The following TRIM50 variants were observed in gnomAD, a reference collection of about 807,000 sequenced individuals.
TRIM50 encodes the protein tripartite motif containing 50.
A neutral mutation model predicts 44.9 loss-of-function variants in TRIM50; 34 were observed. That is an observed-to-expected ratio of 0.76 (90% CI 0.58 to 1.01). The LOEUF (loss-of-function observed/expected upper bound fraction) is 1.01, where lower values mean the gene tolerates loss of function less well. Among genes scored for constraint, TRIM50 ranks in the 50% least tolerant of loss-of-function variants. TRIM50 has a pLI of 0.00. For missense variants in TRIM50, 633 were observed against 663.7 expected, an observed-to-expected ratio of 0.95 and a Z score of 0.51; for synonymous variants, 307 against 291.1, an observed-to-expected ratio of 1.05 and a Z score of -0.56.
chr7:73,325,335 C>T, intron 1 of TRIM50: 1 of 159,972 alleles, frequency 6.3e-6, no homozygotes, highest in Non-Finnish European at 1.4e-5. Context: ...GGTGACACTC[C>T]CAGGTAATTC....
chr7:73,325,338 GGTAATTCTA>G (rs1554545873), intron 1 of TRIM50: 1 of 159,906 alleles, frequency 6.3e-6, no homozygotes, highest in Non-Finnish European at 1.4e-5. Flanking sequence ...GACACTCCCA[GGTAATTCTA>G]GAGAGCCTGG....
At chr7:73,323,819 C>A (rs1400969803) in intron 2 of TRIM50, among the ~76,000 whole-genome samples, 2 of 152,156 alleles carry the variant, frequency 1.3e-5, no homozygotes, top group Non-Finnish European at 2.9e-5. Context: ...GCAGGAGGAT[C>A]ATTGGAGGCC....
rs770524003 is a variant in TRIM50, at chr7:73,324,381, C to G, written c.399+8G>C. On this transcript the variant is annotated splice_region_variant and intron_variant, in intron 2 of 6. Coordinates refer to ENST00000333149, the MANE Select transcript of TRIM50 (RefSeq NM_178125.3). The stretch of plus-strand genomic sequence containing the variant: ...CTCTCCAGCCGCCCCTGCACCCTCA[C>G]TCCCCACCTTCATGCGGCTGTAGAC... 3 of 1,614,038 alleles carry G rather than the reference C, an allele frequency of 1.9e-6. No individual in the cohort carries two copies. The highest frequency in any genetic ancestry group is 2.5e-6 in the Non-Finnish European group (3 of 1,180,030).
chr7:73,316,089 C>T (rs538517526), intron 6 of TRIM50, among the ~76,000 whole-genome samples: 4 of 152,040 alleles, frequency 2.6e-5, no homozygotes, highest in African/African-American at 9.7e-5. Context: ...CCATGTTGGC[C>T]AAGCTGGACT....
In TRIM50 at chr7:73,321,685, A is replaced by G. The variant is rs775440886; in HGVS notation, c.400-1443T>C. The stretch of plus-strand genomic sequence containing the variant: ...CCCCGTCGGTTTGTACCCATGCAAT[A>G]TACAGAATTTTTGGCTTGGATCGTG... On this transcript the variant is annotated intron_variant, in intron 2 of 6. Coordinates refer to ENST00000333149, the MANE Select transcript of TRIM50 (RefSeq NM_178125.3). Among the ~76,000 whole-genome samples, 4 of 152,318 alleles carry G rather than the reference A, an allele frequency of 2.6e-5. No homozygotes were observed. The East Asian group carries it at 7.7e-4, about 29-fold the overall frequency.
intron 1 of TRIM50, 30 bp from the exon 2 acceptor site, chr7:73,324,835 G>C: frequency 1.2e-6 from 2 of 1,610,850 alleles, no homozygotes; most frequent in Non-Finnish European, 1.7e-6. Context: ...CCTCAGTCCT[G>C]TCCCCTCCCC....
chr7:73,314,490 C>A, intron 6 of TRIM50: 1 of 382,490 alleles, frequency 2.6e-6, no homozygotes. Context: ...GGGGATGTCC[C>A]CACTAAGAGG....
rs533311095 is a variant in TRIM50, at chr7:73,316,503, C to T, written c.874+62G>A. On this transcript the variant is annotated intron_variant, in intron 6 of 6. Transcript: ENST00000333149. The stretch of plus-strand genomic sequence containing the variant: ...TAGCTTATTATCTCTCTGATACAAT[C>T]GATGAACTGCCACCTGCCCTGGGCG... 41 of 1,599,354 alleles carry T rather than the reference C, an allele frequency of 2.6e-5. No individual in the cohort carries two copies. The East Asian group carries it at 5.8e-4, about 23-fold the overall frequency.
At chr7:73,319,101 GCT>G (rs1554544672) in intron 3 of TRIM50, 49 bp from the exon 4 acceptor site, 1 of 1,613,750 alleles carries the variant, frequency 6.2e-7, no homozygotes, top group South Asian at 1.1e-5. Context: ...GAGCTGCCAG[GCT>G]CTGTCTGGCT....
At chr7:73,315,174 C>A in intron 6 of TRIM50, 1 of 231,022 alleles carries the variant, frequency 4.3e-6, no homozygotes, top group Non-Finnish European at 8.9e-6. Flanking sequence ...TTGCCAAGCT[C>A]AAAAAGGCAA....
At chr7:73,325,550 GCA>G (rs1262898844) in intron 1 of TRIM50, 1 of 154,068 alleles carries the variant, frequency 6.5e-6, no homozygotes, top group Non-Finnish European at 1.5e-5. Flanking sequence ...GGAACAGCAG[GCA>G]CAGAGTCAGA....
In TRIM50 at chr7:73,312,867, G is replaced by A. The variant is rs868912315; in HGVS notation, c.*54C>T. ...GGCGGGACCCAGCAGAAGCCCGCGAGTCCCCGGTGCCCCGCCGGGATGGGC... is the reference window on the plus strand; with the variant it reads ...GGCGGGACCCAGCAGAAGCCCGCGAATCCCCGGTGCCCCGCCGGGATGGGC... On this transcript the variant is annotated 3_prime_UTR_variant, in exon 7 of 7. Coordinates refer to ENST00000333149, the MANE Select transcript of TRIM50 (RefSeq NM_178125.3). The A allele has an allele frequency of 3.6e-6, 5 of 1,396,458 alleles. No homozygotes were observed. The African/African-American group carries it at 4.4e-5, about 12-fold the overall frequency. 86.5% of individuals were successfully genotyped at this position (1,396,458 alleles called of 1,614,324 possible).
chr7:73,313,379 T>C lies in TRIM50; in HGVS notation c.1006A>G (p.Thr336Ala). ...AAGCCGCGGCTGGCCAGGACGCAGG[T>C]GCTGTAGTCGAAGCGCTCAGGCTGG... is the stretch of plus-strand genomic sequence containing the variant. ...ASQPERFDYS[T>A]CVLASRGFSC... Residue 336 changes from threonine (T) to alanine (A), a missense_variant, in exon 7 of 7, where the codon ACC (threonine) becomes GCC (alanine). Transcript: ENST00000333149. The surrounding 1 kb of genome is among the most constrained non-coding windows in gnomAD (Gnocchi z 4.9). 1 of 1,592,116 alleles carries C rather than the reference T, an allele frequency of 6.3e-7. No individual in the cohort carries two copies. Among genetic ancestry groups the C allele is most frequent in the Non-Finnish European group, 8.5e-7 (1 of 1,171,246 alleles).
At chr7:73,317,543 A>G (rs1464114551) in intron 5 of TRIM50, among the ~76,000 whole-genome samples, 1 of 151,840 alleles carries the variant, frequency 6.6e-6, no homozygotes, top group East Asian at 1.9e-4. Context: ...TTTTTCATAG[A>G]GACGGGGTTT....
At position 73,313,322 on chromosome 7, in the gene TRIM50, C is replaced by T. The variant is rs782335211; in HGVS notation, c.1063G>A (p.Val355Met). 2.5e-6 allele frequency: 4 copies of T among 1,597,206 alleles called. No homozygotes were observed. The highest frequency in any genetic ancestry group is 3.4e-6 in the Non-Finnish European group (4 of 1,170,476). ...SCGRHYWEVV[V>M]GSKSDWRLGV... ...AGGCGCCAGTCGCTCTTGCTGCCCA[C>T]CACCACCTCCCAGTAGTGGCGGCCG... Residue 355 changes from valine to methionine, a missense_variant, in exon 7 of 7, where the codon GTG (valine) becomes ATG (methionine). Transcript: ENST00000333149. This position sits in a 1 kb window ranked among gnomAD's most constrained non-coding sequence, Gnocchi z 4.9.
At chr7:73,321,659 C>G (rs1261711181) in intron 2 of TRIM50, among the ~76,000 whole-genome samples, 1 of 152,190 alleles carries the variant, frequency 6.6e-6, no homozygotes, top group Non-Finnish European at 1.5e-5. Context: ...TTGACCAGAG[C>G]CCCCGTCGGT....
At chr7:73,321,573 G>C (rs1235830872) in intron 2 of TRIM50, among the ~76,000 whole-genome samples, 1 of 152,098 alleles carries the variant, frequency 6.6e-6, no homozygotes, top group African/African-American at 2.4e-5. Flanking sequence ...ACTTCTCCTG[G>C]ACTGCCCGGG....
chr7:73,319,734 C>T (rs1416848557), intron 3 of TRIM50, among the ~76,000 whole-genome samples: 13 of 152,362 alleles, frequency 8.5e-5, no homozygotes, highest in South Asian at 2.1e-4. Context: ...CCCCATGTGC[C>T]TCTCACTTCG....
chr7:73,324,747 A>C lies in TRIM50; in HGVS notation c.41T>G (p.Leu14Arg), dbSNP rs1457270919. 6.2e-7 allele frequency: 1 copy of C among 1,614,018 alleles called. No individual in the cohort carries two copies. The highest frequency in any genetic ancestry group is 1.7e-5 in the Admixed American group (1 of 59,996). Residue 14 changes from leucine to arginine, a missense_variant, in exon 2 of 7, where the codon CTT (leucine) becomes CGT (arginine). Leu to Arg is a moderately radical substitution (Grantham distance 102). Transcript: ENST00000333149. ...QVSLPELEDR[L>R]QCPICLEVFK... Reference sequence around the variant, plus strand: ...GACCTCCAGGCAGATGGGACACTGAAGCCGGTCCTCCAGCTCTGGCAGGCT... The same window carrying C: ...GACCTCCAGGCAGATGGGACACTGACGCCGGTCCTCCAGCTCTGGCAGGCT...
Sources: allele counts gnomAD v4.1 joint callset (sites outside exome capture counted in the v4.1 genomes callset), GRCh38; gene constraint gnomAD v4.1.1; non-coding constraint Gnocchi (gnomAD v3.1); transcripts MANE v1.5; gene names NCBI Gene and HGNC (gene_info 2026-07-23, HGNC 2026-07-21).